Variants in MAPKAP1 observed in about 807,000 individuals in gnomAD.
MAPKAP1 encodes MAPK associated protein 1, also known as target of rapamycin complex 2 subunit MAPKAP1.
A neutral mutation model predicts 65.7 loss-of-function variants in MAPKAP1; 20 were observed. The ratio of observed to expected loss-of-function variants is 0.30; its 90% CI spans 0.21 to 0.44. The LOEUF (loss-of-function observed/expected upper bound fraction) is 0.44. Ranked by LOEUF, MAPKAP1 falls within the 20% of genes least tolerant of loss-of-function variation. MAPKAP1 has a pLI of 1.00. For missense variants in MAPKAP1, 423 were observed against 648.0 expected (o/e 0.65, Z 3.77); for synonymous variants, 222 against 244.3 (o/e 0.91, Z 0.85).
chr9:125,549,740 T>C (rs901836921), intron 6 of MAPKAP1, among the ~76,000 whole-genome samples: 4 of 152,112 alleles, frequency 2.6e-5, no homozygotes. Context: ...GCTCGACTGA[T>C]TGTGCCAGAA....
At chr9:125,443,679 C>T (rs1852582819) in intron 11 of MAPKAP1, among the ~76,000 whole-genome samples, 1 of 148,174 alleles carries the variant, frequency 6.7e-6, no homozygotes, top group South Asian at 2.2e-4. Flanking sequence ...CACGGCCTAG[C>T]CCCGCCAGCC....
chr9:125,559,507 T>A, intron 6 of MAPKAP1, 126 bp downstream of exon 6: 1 of 800,060 alleles, frequency 1.2e-6, no homozygotes. Flanking sequence ...CTGGGAGTCA[T>A]CGTTATTACC....
chr9:125,529,515 A>G (rs966823006), intron 7 of MAPKAP1, among the ~76,000 whole-genome samples: 1 of 146,018 alleles, frequency 6.8e-6, no homozygotes, highest in Non-Finnish European at 1.5e-5. Flanking sequence ...AAAAAAAAAA[A>G]GAAAAGAAAA....
chr9:125,543,233 T>A, intron 6 of MAPKAP1, 65 bp from the exon 7 acceptor site: 1 of 1,209,468 alleles, frequency 8.3e-7, no homozygotes, highest in Non-Finnish European at 1.2e-6. Flanking sequence ...ACTGCAATCT[T>A]CACTGTGTTT....
intron 4 of MAPKAP1, among the ~76,000 whole-genome samples, chr9:125,586,112 G>A (rs1831776962): frequency 6.6e-6 from 1 of 152,250 alleles, no homozygotes; most frequent in South Asian, 2.1e-4. Flanking sequence ...AATGAGATGA[G>A]CTGCCTGGGA....
chr9:125,542,054 A>ATCTC (rs557419183), intron 7 of MAPKAP1, among the ~76,000 whole-genome samples: 1 of 151,246 alleles, frequency 6.6e-6, no homozygotes, highest in Non-Finnish European at 1.5e-5. Context: ...CCCTACCAGC[A>ATCTC]TCTCTCTCTC....
At chr9:125,598,382 T>G (rs766909358) in intron 4 of MAPKAP1, among the ~76,000 whole-genome samples, 41 of 152,194 alleles carry the variant, frequency 2.7e-4, no homozygotes, top group Non-Finnish European at 5.3e-4. Flanking sequence ...GGACACTGTA[T>G]TTTCTGACAA....
At chr9:125,688,448 A>AT (rs1237390069) in intron 1 of MAPKAP1, among the ~76,000 whole-genome samples, 1 of 152,078 alleles carries the variant, frequency 6.6e-6, no homozygotes, top group African/African-American at 2.4e-5. Flanking sequence ...AGACTATCTC[A>AT]TTTTTTAAAT....
intron 4 of MAPKAP1, among the ~76,000 whole-genome samples, chr9:125,638,169 T>C (rs551126652): frequency 1.3e-5 from 2 of 152,288 alleles, no homozygotes; most frequent in African/African-American, 4.8e-5. Flanking sequence ...TGGAGGAGTT[T>C]AGTTTTGCTA....
chr9:125,621,771 A>C (rs1161485168), intron 4 of MAPKAP1, among the ~76,000 whole-genome samples: 1 of 152,236 alleles, frequency 6.6e-6, no homozygotes, highest in Non-Finnish European at 1.5e-5. Context: ...ATAACTATAC[A>C]TGGGTTCTTA....
At chr9:125,608,657 T>C (rs1014030257) in intron 4 of MAPKAP1, among the ~76,000 whole-genome samples, 1 of 152,216 alleles carries the variant, frequency 6.6e-6, no homozygotes, top group Non-Finnish European at 1.5e-5. Context: ...TTTTGTCTTC[T>C]GCGCAGCCAC....
At chr9:125,652,753 A>T (rs532134419) in intron 4 of MAPKAP1, among the ~76,000 whole-genome samples, 6 of 152,070 alleles carry the variant, frequency 3.9e-5, no homozygotes, top group South Asian at 2.1e-4. Flanking sequence ...CCAAAAGTTT[A>T]AAAAAAATAG....
chr9:125,510,565 C>A (rs925107179), intron 7 of MAPKAP1, among the ~76,000 whole-genome samples: 6 of 152,188 alleles, frequency 3.9e-5, no homozygotes, highest in Non-Finnish European at 2.9e-5. Context: ...ATATTCTACG[C>A]TCAGTTTAGT....
At chr9:125,618,766 T>C (rs1260232079) in intron 4 of MAPKAP1, among the ~76,000 whole-genome samples, 1 of 152,174 alleles carries the variant, frequency 6.6e-6, no homozygotes, top group Non-Finnish European at 1.5e-5. Context: ...TCATAAGCAA[T>C]GCAGTAAAGG....
intron 4 of MAPKAP1, among the ~76,000 whole-genome samples, chr9:125,612,692 T>C (rs930422954): frequency 6.6e-6 from 1 of 152,180 alleles, no homozygotes; most frequent in Non-Finnish European, 1.5e-5. Context: ...AGATCCTGAT[T>C]CCCAAAGGGA....
At chr9:125,494,891 G>A (rs1263415656) in intron 8 of MAPKAP1, among the ~76,000 whole-genome samples, 3 of 152,114 alleles carry the variant, frequency 2.0e-5, no homozygotes, top group South Asian at 2.1e-4. Flanking sequence ...TATAACGTGG[G>A]GCTAAGTCTC....
At chr9:125,613,475 C>T (rs1832660219) in intron 4 of MAPKAP1, among the ~76,000 whole-genome samples, 1 of 152,194 alleles carries the variant, frequency 6.6e-6, no homozygotes, top group Non-Finnish European at 1.5e-5. Flanking sequence ...GACCCCCTTA[C>T]CCTAACTTGG....
intron 9 of MAPKAP1, chr9:125,471,927 C>T (rs1348020876): frequency 6.6e-6 from 1 of 152,234 alleles, no homozygotes; most frequent in African/African-American, 2.4e-5. Context: ...CATTAACTGC[C>T]ATCAACAATG....
chr9:125,542,248 A>C (rs574288092), intron 7 of MAPKAP1, among the ~76,000 whole-genome samples: 6 of 152,224 alleles, frequency 3.9e-5, no homozygotes, highest in Non-Finnish European at 7.3e-5. Context: ...AGCTAATTAA[A>C]TCTGGAACAG....
Sources: allele counts gnomAD v4.1 joint callset (sites outside exome capture counted in the v4.1 genomes callset), GRCh38; gene constraint gnomAD v4.1.1; transcripts MANE v1.5; gene names NCBI Gene and HGNC (gene_info 2026-07-23, HGNC 2026-07-21).